CDH9: variants seen among roughly 807,000 people sequenced by gnomAD.
The protein encoded by CDH9 is cadherin-9.
In CDH9, 28 loss-of-function variants were observed where a neutral mutation model predicts 70.9. The ratio of observed to expected loss-of-function variants is 0.40; its 90% CI spans 0.29 to 0.54. CDH9 has a LOEUF of 0.54. Among genes scored for constraint, CDH9 ranks in the 20% least tolerant of loss-of-function variants. The probability of loss-of-function intolerance (pLI) is 0.59; values close to 1 mark genes in which losing one functional copy is unlikely to be tolerated. For missense variants in CDH9, 874 were observed against 984.4 expected (o/e 0.89, Z 1.50); for synonymous variants, 409 against 343.1 (o/e 1.19, Z -2.12).
intron 1 of CDH9, among the ~76,000 whole-genome samples, chr5:26,992,921 A>G (rs1742601329): frequency 1.3e-5 from 2 of 151,954 alleles, no homozygotes; most frequent in South Asian, 4.1e-4. Context: ...ACATGGAGAA[A>G]CTCTGTCTCT....
intron 2 of CDH9, among the ~76,000 whole-genome samples, chr5:26,927,864 C>A (rs559373678): frequency 1.3e-5 from 2 of 152,118 alleles, no homozygotes; most frequent in South Asian, 4.2e-4. Flanking sequence ...GAAAACATCA[C>A]CCCTACTTCT....
chr5:26,943,682 G>A (rs1741700222), intron 2 of CDH9, among the ~76,000 whole-genome samples: 1 of 152,154 alleles, frequency 6.6e-6, no homozygotes, highest in African/African-American at 2.4e-5. Flanking sequence ...TATAGCACAT[G>A]TTGTTGGAAA....
At chr5:27,025,357 G>A (rs1395568663) in intron 1 of CDH9, among the ~76,000 whole-genome samples, 1 of 152,002 alleles carries the variant, frequency 6.6e-6, no homozygotes, top group Non-Finnish European at 1.5e-5. Flanking sequence ...AGATGACTGG[G>A]CTCATCACCT....
At chr5:26,958,611 A>T (rs1026320344) in intron 2 of CDH9, among the ~76,000 whole-genome samples, 5 of 152,312 alleles carry the variant, frequency 3.3e-5, no homozygotes, top group South Asian at 2.1e-4. Flanking sequence ...ATAATTTTAT[A>T]TTAAAAAATA....
At chr5:26,907,068 T>A (rs2111993198) in intron 3 of CDH9, among the ~76,000 whole-genome samples, 1 of 152,294 alleles carries the variant, frequency 6.6e-6, no homozygotes, top group African/African-American at 2.4e-5. Context: ...AAATATATTA[T>A]CAGTAAGGTG....
intron 1 of CDH9, among the ~76,000 whole-genome samples, chr5:27,031,916 C>T (rs1743317602): frequency 6.6e-6 from 1 of 151,752 alleles, no homozygotes; most frequent in African/African-American, 2.4e-5. Context: ...TTTATCAGAA[C>T]AATTCTCTTC....
chr5:26,956,647 A>G (rs1437067049), intron 2 of CDH9, among the ~76,000 whole-genome samples: 1 of 152,078 alleles, frequency 6.6e-6, no homozygotes, highest in Non-Finnish European at 1.5e-5. Flanking sequence ...GCCACCCTCC[A>G]CAGACCCCAC....
intron 11 of CDH9, among the ~76,000 whole-genome samples, chr5:26,882,363 C>T (rs12656382): frequency 0.13 from 19,140 of 151,940 alleles, 1,357 homozygotes; most frequent in Middle Eastern, 0.33. Context: ...TGGAATGAAA[C>T]GTTAATTGTA....
chr5:27,030,490 G>T (rs1004014774), intron 1 of CDH9, among the ~76,000 whole-genome samples: 1 of 151,180 alleles, frequency 6.6e-6, no homozygotes, highest in African/African-American at 2.4e-5. Context: ...AGAAAAGCAG[G>T]GGGGATGGAA....
chr5:26,931,480 T>C (rs1741460988), intron 2 of CDH9, among the ~76,000 whole-genome samples: 1 of 152,148 alleles, frequency 6.6e-6, no homozygotes, highest in South Asian at 2.1e-4. Context: ...ACCAGAATGG[T>C]CTAGTCTCAA....
intron 7 of CDH9, among the ~76,000 whole-genome samples, chr5:26,892,193 C>T (rs943073714): frequency 6.6e-6 from 1 of 152,194 alleles, no homozygotes; most frequent in Admixed American, 6.5e-5. Context: ...CCTTCAGTTA[C>T]ATCAGACCAT....
chr5:26,925,353 A>C (rs1299950661), intron 2 of CDH9, among the ~76,000 whole-genome samples: 1 of 152,094 alleles, frequency 6.6e-6, no homozygotes. Context: ...TCTTCTTTTG[A>C]GAAGTATCTG....
At chr5:27,009,249 A>G (rs921009638) in intron 1 of CDH9, among the ~76,000 whole-genome samples, 2 of 152,120 alleles carry the variant, frequency 1.3e-5, no homozygotes, top group Admixed American at 6.6e-5. Flanking sequence ...AATGAGGAGG[A>G]AAAATAACAA....
At position 26,886,052 on chromosome 5, in the gene CDH9, T is replaced by A; in HGVS notation, c.1544A>T (p.Asp515Val). The A allele has an allele frequency of 6.2e-7, 1 of 1,607,974 alleles. No homozygotes were observed. The highest frequency in any genetic ancestry group is 8.5e-7 in the Non-Finnish European group (1 of 1,178,550). ...LIQTVSVMDK[D>V]DPPRGHKFFF... is the part of the protein sequence containing the mutation. Reference sequence around the variant, plus strand: ...GAATTTGTGACCTCGGGGAGGGTCATCCTTATCCATGACACTGACAGTCTG... The same window carrying A: ...GAATTTGTGACCTCGGGGAGGGTCAACCTTATCCATGACACTGACAGTCTG... The change falls in exon 10 of 12, where the codon GAT (aspartate) becomes GTT (valine). Residue 515 changes from aspartate (D) to valine (V), a missense_variant. By Grantham distance (152) the Asp-to-Val change is radical. Transcript: ENST00000231021.
intron 2 of CDH9, among the ~76,000 whole-genome samples, chr5:26,955,325 T>C (rs1371412464): frequency 6.6e-6 from 1 of 152,202 alleles, no homozygotes; most frequent in Non-Finnish European, 1.5e-5. Flanking sequence ...AACCTTTGTG[T>C]CCTAAGGCAA....
chr5:26,890,673 G>T, intron 7 of CDH9, 109 bp from the exon 8 acceptor site: 1 of 739,616 alleles, frequency 1.4e-6, no homozygotes, highest in South Asian at 1.8e-5. Flanking sequence ...GACATGAAAT[G>T]CAAAATGCTA....
chr5:26,942,262 T>C (rs1741674813), intron 2 of CDH9, among the ~76,000 whole-genome samples: 1 of 152,160 alleles, frequency 6.6e-6, no homozygotes, highest in Non-Finnish European at 1.5e-5. Context: ...AACAGCAGCA[T>C]GGCAGTAACC....
At chr5:26,902,343 T>C in intron 7 of CDH9, 133 bp downstream of exon 7, 1 of 623,980 alleles carries the variant, frequency 1.6e-6, no homozygotes, top group Non-Finnish European at 2.8e-6. Context: ...TTTCACACAG[T>C]TTGTAAATAG....
intron 7 of CDH9, among the ~76,000 whole-genome samples, chr5:26,898,775 A>G (rs750928714): frequency 1.3e-5 from 2 of 152,132 alleles, no homozygotes; most frequent in Non-Finnish European, 2.9e-5. Flanking sequence ...AGACTTCATG[A>G]CTAAAACACC....
Sources: allele counts gnomAD v4.1 joint callset (sites outside exome capture counted in the v4.1 genomes callset), GRCh38; gene constraint gnomAD v4.1.1; transcripts MANE v1.5; gene names NCBI Gene and HGNC (gene_info 2026-07-23, HGNC 2026-07-21).